PPM1E: variants seen among roughly 807,000 people sequenced by gnomAD.
The protein encoded by PPM1E is protein phosphatase 1E.
Under a neutral mutation model 65.9 loss-of-function variants are expected in PPM1E, and 20 were observed. The observed-to-expected ratio is 0.30, with a 90% CI of 0.21 to 0.44. The LOEUF is 0.44. PPM1E is among the 20% of genes least tolerant of loss of function. The pLI is 1.00. For missense variants in PPM1E, 713 were observed against 953.1 expected (o/e 0.75, Z 3.32); for synonymous variants, 352 against 374.9 (o/e 0.94, Z 0.70).
intron 1 of PPM1E, among the ~76,000 whole-genome samples, chr17:58,935,421 G>C (rs1353404391): frequency 6.6e-6 from 1 of 152,116 alleles, no homozygotes; most frequent in Non-Finnish European, 1.5e-5. Flanking sequence ...CGTTACAGAA[G>C]CTTAGAGAAT....
At chr17:58,801,121 G>T (rs994232537) in intron 1 of PPM1E, among the ~76,000 whole-genome samples, 1 of 152,090 alleles carries the variant, frequency 6.6e-6, no homozygotes, top group African/African-American at 2.4e-5. Flanking sequence ...CACTTGGAAA[G>T]AAAGTGTATT....
intron 6 of PPM1E, among the ~76,000 whole-genome samples, chr17:58,977,116 A>C (rs1183211395): frequency 6.6e-6 from 1 of 152,162 alleles, no homozygotes; most frequent in African/African-American, 2.4e-5. Flanking sequence ...AATCAAAAGC[A>C]TGCTTGGGAA....
chr17:58,756,476 C>T lies in PPM1E; in HGVS notation c.464+15C>T, dbSNP rs147992263. On this transcript the variant is annotated intron_variant, in intron 1 of 6. Coordinates refer to ENST00000308249, the MANE Select transcript of PPM1E (RefSeq NM_014906.5). ...CTCTACAAATAGTTAAGTAGCTGGG[C>T]TTGGCTGGTGGTGGGCCCGCGGTCC... The T allele has an allele frequency of 0.018, 23,260 of 1,274,764 alleles. 228 individuals carry two copies. The highest frequency in any genetic ancestry group is 0.021 in the Non-Finnish European group (21,235 of 1,008,506). 79.0% of individuals were successfully genotyped at this position (1,274,764 alleles called of 1,614,324 possible). A position where few individuals can be genotyped will look rare whatever the true frequency, so the allele number is the denominator to read the frequency against.
chr17:58,873,587 T>TATTATTATTATC (rs2051095985), intron 1 of PPM1E, among the ~76,000 whole-genome samples: 2 of 146,604 alleles, frequency 1.4e-5, no homozygotes, highest in Non-Finnish European at 3.0e-5. Flanking sequence ...TTATTATTAT[T>TATTATTATTATC]ATTATTATTA....
At chr17:58,920,299 T>C (rs2051735964) in intron 1 of PPM1E, among the ~76,000 whole-genome samples, 1 of 152,220 alleles carries the variant, frequency 6.6e-6, no homozygotes, top group South Asian at 2.1e-4. Context: ...CCTCCAATGC[T>C]CAGATATCTC....
intron 1 of PPM1E, among the ~76,000 whole-genome samples, chr17:58,761,284 T>G (rs1490314003): frequency 6.6e-6 from 1 of 152,164 alleles, no homozygotes; most frequent in Non-Finnish European, 1.5e-5. Flanking sequence ...AGAATACTCA[T>G]ATTACTCCAG....
At chr17:58,831,003 T>TC (rs975609400) in intron 1 of PPM1E, among the ~76,000 whole-genome samples, 2 of 101,414 alleles carry the variant, frequency 2.0e-5, no homozygotes, top group Non-Finnish European at 2.2e-5. Context: ...ACTTACTTTA[T>TC]CTTTTTTTTT....
intron 1 of PPM1E, among the ~76,000 whole-genome samples, chr17:58,937,891 A>AC (rs1567880941): frequency 4.8e-5 from 7 of 146,296 alleles, no homozygotes; most frequent in Admixed American, 4.7e-4. Flanking sequence ...AAAAAAAAAA[A>AC]AAAAGAAAGA....
At chr17:58,763,368 A>C (rs926121039) in intron 1 of PPM1E, among the ~76,000 whole-genome samples, 1 of 152,146 alleles carries the variant, frequency 6.6e-6, no homozygotes, top group African/African-American at 2.4e-5. Context: ...GAAGTGGCAT[A>C]TATCACTTCT....
chr17:58,951,742 G>A (rs576172373), intron 1 of PPM1E, among the ~76,000 whole-genome samples: 3 of 151,804 alleles, frequency 2.0e-5, no homozygotes, highest in East Asian at 1.9e-4. Context: ...TTAACAGTAG[G>A]ATGCCTATGA....
intron 1 of PPM1E, among the ~76,000 whole-genome samples, chr17:58,948,105 T>C (rs2143623205): frequency 6.6e-6 from 1 of 152,220 alleles, no homozygotes; most frequent in East Asian, 1.9e-4. Flanking sequence ...ATGAACAAAC[T>C]TCAAAAGTCA....
chr17:58,978,430 G>A (rs2031154140), intron 6 of PPM1E, among the ~76,000 whole-genome samples: 1 of 152,114 alleles, frequency 6.6e-6, no homozygotes, highest in Admixed American at 6.5e-5. Flanking sequence ...TGAATGAGAG[G>A]CCAGATGCGG....
chr17:58,924,500 A>G (rs1473988722), intron 1 of PPM1E, among the ~76,000 whole-genome samples: 2 of 152,136 alleles, frequency 1.3e-5, no homozygotes, highest in African/African-American at 2.4e-5. Context: ...ACAGTCAGCT[A>G]TGATCACACC....
At chr17:58,784,711 G>A (rs945159600) in intron 1 of PPM1E, among the ~76,000 whole-genome samples, 76 of 151,888 alleles carry the variant, frequency 5.0e-4, no homozygotes, top group Middle Eastern at 3.4e-3. Context: ...TTTTAGTAGA[G>A]ACGTAGTTTC....
At chr17:58,971,636 T>G (rs868068279) in intron 4 of PPM1E, among the ~76,000 whole-genome samples, 3 of 152,184 alleles carry the variant, frequency 2.0e-5, no homozygotes, top group South Asian at 2.1e-4. Context: ...TTCCAGAGAT[T>G]AGAGCATCTG....
At chr17:58,836,878 G>A (rs1425599553) in intron 1 of PPM1E, among the ~76,000 whole-genome samples, 1 of 149,998 alleles carries the variant, frequency 6.7e-6, no homozygotes, top group African/African-American at 2.4e-5. Context: ...AAATTAGCCG[G>A]GCATGGTGGC....
chr17:58,911,871 CAA>C (rs953592285), intron 1 of PPM1E, among the ~76,000 whole-genome samples: 12 of 152,116 alleles, frequency 7.9e-5, no homozygotes, highest in Non-Finnish European at 1.5e-4. Context: ...GTGTTAGAAA[CAA>C]GAGCTCAGAG....
chr17:58,772,752 A>G (rs977361231), intron 1 of PPM1E, among the ~76,000 whole-genome samples: 7 of 152,148 alleles, frequency 4.6e-5, no homozygotes, highest in African/African-American at 1.4e-4. Flanking sequence ...AAAGTCATTC[A>G]TTCATATATT....
At chr17:58,887,462 T>A (rs1423447985) in intron 1 of PPM1E, among the ~76,000 whole-genome samples, 1 of 152,194 alleles carries the variant, frequency 6.6e-6, no homozygotes, top group East Asian at 1.9e-4. Flanking sequence ...CCACTGCACC[T>A]GGCCCCGATT....
Sources: allele counts gnomAD v4.1 joint callset (sites outside exome capture counted in the v4.1 genomes callset), GRCh38; gene constraint gnomAD v4.1.1; transcripts MANE v1.5; gene names NCBI Gene and HGNC (gene_info 2026-07-23, HGNC 2026-07-21).